Variants in NDUFAF2 observed in about 807,000 individuals in gnomAD.
NDUFAF2 encodes NADH dehydrogenase [ubiquinone] 1 alpha subcomplex assembly factor 2.
A neutral mutation model predicts 22.8 loss-of-function variants in NDUFAF2; 13 were observed. That is an observed-to-expected ratio of 0.57 (90% CI 0.37 to 0.91). The LOEUF (loss-of-function observed/expected upper bound fraction) is 0.91, where lower values mean the gene tolerates loss of function less well. Ranked by LOEUF, NDUFAF2 falls within the 40% of genes least tolerant of loss-of-function variation. The pLI is 0.01. For missense variants in NDUFAF2, 162 were observed against 195.2 expected (o/e 0.83, Z 1.01); for synonymous variants, 53 against 64.2 (o/e 0.83, Z 0.84).
chr5:61,075,222 T>C (rs559032512), intron 2 of NDUFAF2, among the ~76,000 whole-genome samples: 18 of 152,192 alleles, frequency 1.2e-4, no homozygotes, highest in Non-Finnish European at 2.5e-4. Flanking sequence ...TGGCATAGCA[T>C]GATACCTTAC....
At chr5:61,098,859 C>T in intron 2 of NDUFAF2, 133 bp from the exon 3 acceptor site, 1 of 548,780 alleles carries the variant, frequency 1.8e-6, no homozygotes, top group Non-Finnish European at 3.3e-6. Flanking sequence ...GGGACTTAAT[C>T]TGTTTTATTC....
chr5:61,048,717 GT>G (rs1414407317), intron 1 of NDUFAF2, among the ~76,000 whole-genome samples: 1 of 152,004 alleles, frequency 6.6e-6, no homozygotes, highest in Non-Finnish European at 1.5e-5. Context: ...AACCTTTGTG[GT>G]TTTTTTCTTC....
At chr5:61,004,363 CTG>C (rs1332108932) in intron 1 of NDUFAF2, among the ~76,000 whole-genome samples, 1 of 151,918 alleles carries the variant, frequency 6.6e-6, no homozygotes, top group Non-Finnish European at 1.5e-5. Flanking sequence ...ACTTAAAAAA[CTG>C]AAATTGATTT....
rs59521177 is a variant in NDUFAF2, at chr5:61,107,046, T to TACACACACACACACACACACACAC, written c.258+8036_258+8059dup. Among the ~76,000 whole-genome samples, 162 of 124,002 alleles carry TACACACACACACACACACACACAC rather than the reference T, an allele frequency of 1.3e-3. 2 individuals are homozygous for TACACACACACACACACACACACAC. Among genetic ancestry groups the TACACACACACACACACACACACAC allele is most frequent in the Admixed American group, 4.4e-3 (50 of 11,306 alleles). The allele number at this position is 124,002 out of a possible 152,430, so 81.4% of individuals were successfully genotyped here. A position where few individuals can be genotyped will look rare whatever the true frequency, so the allele number is the denominator to read the frequency against. ...TGATTTCCTTTCCTTTGGATAAATA[T>TACACACACACACACACACACACAC]ACACACACACACACACACACACACA... On this transcript the variant is annotated intron_variant, in intron 3 of 3. Coordinates refer to ENST00000296597, the MANE Select transcript of NDUFAF2 (RefSeq NM_174889.5).
chr5:61,016,265 C>A (rs898257222), intron 1 of NDUFAF2, among the ~76,000 whole-genome samples: 3 of 152,024 alleles, frequency 2.0e-5, no homozygotes, highest in Non-Finnish European at 4.4e-5. Context: ...ATATTTGGCA[C>A]CCTTTTTATA....
At chr5:61,092,686 T>TCAAAA (rs1752583439) in intron 2 of NDUFAF2, among the ~76,000 whole-genome samples, 1 of 152,182 alleles carries the variant, frequency 6.6e-6, no homozygotes, top group Non-Finnish European at 1.5e-5. Flanking sequence ...TCTTCCTATT[T>TCAAAA]GGATGCCCTT....
chr5:60,964,044 A>G (rs1381124110), intron 1 of NDUFAF2, among the ~76,000 whole-genome samples: 2 of 152,196 alleles, frequency 1.3e-5, no homozygotes, highest in African/African-American at 2.4e-5. Context: ...ATGATTTTAA[A>G]AGGATTGCTG....
At chr5:61,042,296 C>A (rs1374785661) in intron 1 of NDUFAF2, among the ~76,000 whole-genome samples, 1 of 151,760 alleles carries the variant, frequency 6.6e-6, no homozygotes, top group Non-Finnish European at 1.5e-5. Context: ...ACAATGGATA[C>A]AGCTGTTAAA....
intron 1 of NDUFAF2, among the ~76,000 whole-genome samples, chr5:61,018,004 G>A (rs536378398): frequency 3.3e-5 from 5 of 152,130 alleles, no homozygotes; most frequent in East Asian, 1.9e-4. Context: ...CGCCCACCTC[G>A]GCCTCCCAGA....
intron 1 of NDUFAF2, among the ~76,000 whole-genome samples, chr5:61,003,124 T>C (rs1366523253): frequency 6.6e-6 from 1 of 152,144 alleles, no homozygotes; most frequent in Non-Finnish European, 1.5e-5. Context: ...AACAGAACAA[T>C]GCAAACATAG....
intron 3 of NDUFAF2, among the ~76,000 whole-genome samples, chr5:61,120,957 AT>A (rs1752969231): frequency 6.6e-6 from 1 of 152,138 alleles, no homozygotes; most frequent in African/African-American, 2.4e-5. Flanking sequence ...TAAATTTTAA[AT>A]AAATTACTTG....
intron 1 of NDUFAF2, among the ~76,000 whole-genome samples, chr5:61,059,950 T>C (rs1446653509): frequency 1.3e-5 from 2 of 152,138 alleles, no homozygotes; most frequent in African/African-American, 4.8e-5. Flanking sequence ...TAATTGGGTA[T>C]CTGTAATAAT....
intron 1 of NDUFAF2, among the ~76,000 whole-genome samples, chr5:60,979,944 C>T (rs897866815): frequency 6.6e-6 from 1 of 152,058 alleles, no homozygotes; most frequent in Non-Finnish European, 1.5e-5. Context: ...TACCTCTCCC[C>T]CAGCTCCAGG....
rs57756292 is a variant in NDUFAF2 at position 61,136,005 on chromosome 5, T to TTATATATA, written c.259-16669_259-16662dup. Among the ~76,000 whole-genome samples the TTATATATA allele has an allele frequency of 8.2e-3, 783 of 95,730 alleles. 13 individuals carry two copies. The highest frequency in any genetic ancestry group is 0.017 in the Middle Eastern group (3 of 172). The allele number at this position is 95,730 out of a possible 152,430, so 62.8% of individuals were successfully genotyped here. ...TTGGTCCCTACATCTAAGCCTGTCT[T>TTATATATA]TATATATATATATATATATATATAT... On this transcript the variant is annotated intron_variant, in intron 3 of 3. Transcript: ENST00000296597.
intron 2 of NDUFAF2, chr5:61,083,325 G>C (rs1168087123): frequency 6.6e-6 from 1 of 151,740 alleles, no homozygotes; most frequent in Non-Finnish European, 1.5e-5. Context: ...TGTATACGGC[G>C]AAAGGTAGGG....
intron 2 of NDUFAF2, among the ~76,000 whole-genome samples, chr5:61,074,308 G>A (rs549665606): frequency 6.6e-5 from 10 of 152,194 alleles, no homozygotes; most frequent in South Asian, 2.1e-4. Context: ...AAAAAATTAG[G>A]CCAGGTGTGG....
rs1752320501 is a variant in NDUFAF2 at position 61,073,056 on chromosome 5, A to G, written c.128-69A>G. 11 of 955,752 alleles carry G rather than the reference A, an allele frequency of 1.2e-5. No individual in the cohort carries two copies. In the South Asian group the frequency reaches 1.4e-4, roughly 12 times the overall value. 59.2% of individuals were successfully genotyped at this position (955,752 alleles called of 1,614,324 possible). A position where few individuals can be genotyped will look rare whatever the true frequency, so the allele number is the denominator to read the frequency against. The stretch of plus-strand genomic sequence containing the variant: ...CTATATAAGGGGTTATGCAATATTC[A>G]AAGATTAATTGTAGAACTACTGTAT... On this transcript the variant is annotated intron_variant, in intron 1 of 3. Transcript: ENST00000296597.
At chr5:60,959,492 A>G (rs1750657550) in intron 1 of NDUFAF2, among the ~76,000 whole-genome samples, 1 of 152,100 alleles carries the variant, frequency 6.6e-6, no homozygotes, top group South Asian at 2.1e-4. Context: ...TATATTTTGA[A>G]GAATGGATAA....
intron 1 of NDUFAF2, among the ~76,000 whole-genome samples, chr5:61,072,028 C>T (rs1046016491): frequency 1.2e-4 from 18 of 152,204 alleles, no homozygotes; most frequent in Non-Finnish European, 2.6e-4. Flanking sequence ...CCATTCTTGA[C>T]TTCTCACCAA....
Sources: gnomAD v4.1 joint callset for allele counts (sites outside exome capture counted in the v4.1 genomes callset) on GRCh38, gnomAD v4.1.1 for gene constraint, MANE v1.5 for transcripts, NCBI Gene and HGNC (gene_info 2026-07-23, HGNC 2026-07-21) for gene names.